The following UBE4B variants were observed in gnomAD, a reference collection of about 807,000 sequenced individuals.
The protein encoded by UBE4B is ubiquitin conjugation factor E4 B.
UBE4B carries 27 observed loss-of-function variants against 148.1 expected under a neutral mutation model. The ratio of observed to expected loss-of-function variants is 0.18; its 90% CI spans 0.13 to 0.25. UBE4B has a LOEUF of 0.25. UBE4B is among the 10% of genes least tolerant of loss of function. The pLI, the probability that UBE4B is intolerant of heterozygous loss-of-function variation, is 1.00. For missense variants in UBE4B, 1,170 were observed against 1,662.4 expected (o/e 0.70, Z 5.15); for synonymous variants, 596 against 619.3 (o/e 0.96, Z 0.56).
intron 1 of UBE4B, among the ~76,000 whole-genome samples, chr1:10,060,506 G>C (rs1032562503): frequency 6.6e-6 from 1 of 152,146 alleles, no homozygotes; most frequent in Non-Finnish European, 1.5e-5. Context: ...GCCCATGACT[G>C]TATTTCCTCT....
intron 1 of UBE4B, among the ~76,000 whole-genome samples, chr1:10,042,080 G>C (rs1010866211): frequency 7.9e-5 from 12 of 152,138 alleles, no homozygotes; most frequent in Non-Finnish European, 1.6e-4. Flanking sequence ...GATTACAGGC[G>C]CCCGCCGCCA....
At chr1:10,055,694 C>T (rs763227945) in intron 1 of UBE4B, among the ~76,000 whole-genome samples, 5 of 152,066 alleles carry the variant, frequency 3.3e-5, no homozygotes, top group Non-Finnish European at 7.4e-5. Flanking sequence ...CCAAGGTGGG[C>T]AGATCACTTG....
intron 8 of UBE4B, 35 bp downstream of exon 8, chr1:10,117,635 G>T (rs1425427751): frequency 6.8e-6 from 10 of 1,468,936 alleles, no homozygotes; most frequent in Non-Finnish European, 9.2e-6. Flanking sequence ...AAAAAAAAAA[G>T]CCTAGTTATT....
chr1:10,127,910 C>T (rs1355301240), intron 11 of UBE4B, among the ~76,000 whole-genome samples: 2 of 152,214 alleles, frequency 1.3e-5, no homozygotes, highest in African/African-American at 2.4e-5. Flanking sequence ...AAATTCAAAC[C>T]TGTCATGGCA....
chr1:10,091,659 G>A (rs1644850264), intron 2 of UBE4B, among the ~76,000 whole-genome samples: 1 of 152,048 alleles, frequency 6.6e-6, no homozygotes, highest in Non-Finnish European at 1.5e-5. Flanking sequence ...AGGCCGCAGT[G>A]CAGTGGTGCG....
rs1646114656 is a variant in UBE4B, at chr1:10,158,830, G to A, written c.3053+348G>A. Among the ~76,000 whole-genome samples, 4 of 152,012 alleles carry A rather than the reference G, an allele frequency of 2.6e-5. 1 individual carries two copies. The South Asian group carries it at 8.3e-4, about 31-fold the overall frequency. On this transcript the variant is annotated intron_variant, in intron 22 of 27. Coordinates refer to ENST00000343090, the MANE Select transcript of UBE4B (RefSeq NM_001105562.3). Reference sequence around the variant, plus strand: ...TCAAAACCAGCCTGGCCAACATGGTGAAACCCCATCTCTATTAAAAATACA... The same window carrying A: ...TCAAAACCAGCCTGGCCAACATGGTAAAACCCCATCTCTATTAAAAATACA...
chr1:10,091,602 G>A (rs889796832), intron 2 of UBE4B, among the ~76,000 whole-genome samples: 1 of 151,842 alleles, frequency 6.6e-6, no homozygotes, highest in Admixed American at 6.6e-5. Context: ...ATGCCACCAT[G>A]CCTAATTTTT....
At chr1:10,149,852 T>C (rs922632302) in intron 20 of UBE4B, among the ~76,000 whole-genome samples, 1 of 152,196 alleles carries the variant, frequency 6.6e-6, no homozygotes, top group African/African-American at 2.4e-5. Flanking sequence ...ATGTGAAGTC[T>C]ATTGTGAAAA....
In UBE4B at chr1:10,144,961, T is replaced by G; in HGVS notation, c.2385T>G (p.Asn795Lys). The G allele has an allele frequency of 6.2e-7, 1 of 1,613,320 alleles. No individual in the cohort carries two copies. The highest frequency in any genetic ancestry group is 1.1e-5 in the South Asian group (1 of 91,014). The stretch of plus-strand genomic sequence containing the variant: ...TCAGAACTGTAGAAGATTTGAAAAA[T>G]AATGAAAGCCAATGGAAAGATTCCC... The part of the protein sequence containing the change: ...ELNRTVEDLK[N>K]NESQWKDSPL... Residue 795 changes from asparagine (N) to lysine (K), a missense_variant, in exon 18 of 28, where the codon AAT becomes AAG. Around this residue, in one of 6 missense-constraint regions of UBE4B, gnomAD observed 388 missense variants for 536.0 expected, o/e 0.72. Transcript: ENST00000343090.
chr1:10,135,419 C>T (rs1388329829), intron 16 of UBE4B, among the ~76,000 whole-genome samples: 3 of 151,980 alleles, frequency 2.0e-5, no homozygotes, highest in African/African-American at 4.8e-5. Flanking sequence ...GCCTGACCAC[C>T]GTGGTGAAAC....
At chr1:10,175,427 G>A (rs911522450) in intron 25 of UBE4B, among the ~76,000 whole-genome samples, 41 of 151,952 alleles carry the variant, frequency 2.7e-4, no homozygotes, top group South Asian at 1.0e-3. Context: ...CAAGGCGGGC[G>A]GATCACAAGG....
intron 1 of UBE4B, among the ~76,000 whole-genome samples, chr1:10,055,084 C>A (rs1298125022): frequency 1.3e-5 from 2 of 152,086 alleles, no homozygotes; most frequent in South Asian, 4.1e-4. Flanking sequence ...CCGCACCCGG[C>A]GTGTTTTTAC....
chr1:10,043,566 ACAGGCGCC>A (rs1446073173), intron 1 of UBE4B, among the ~76,000 whole-genome samples: 1 of 151,562 alleles, frequency 6.6e-6, no homozygotes, highest in Non-Finnish European at 1.5e-5. Flanking sequence ...AGCTGGGACT[ACAGGCGCC>A]CACCACCAAG....
At chr1:10,039,201 C>T (rs1643665862) in intron 1 of UBE4B, among the ~76,000 whole-genome samples, 1 of 152,092 alleles carries the variant, frequency 6.6e-6, no homozygotes, top group African/African-American at 2.4e-5. Flanking sequence ...GCACAACTCA[C>T]TTAAGAAACA....
At chr1:10,165,110 C>A (rs1249540202) in intron 23 of UBE4B, among the ~76,000 whole-genome samples, 2 of 152,144 alleles carry the variant, frequency 1.3e-5, no homozygotes, top group Non-Finnish European at 2.9e-5. Flanking sequence ...CTCCCTGGCT[C>A]AGATCTGACT....
At chr1:10,062,139 A>G (rs1229789188) in intron 1 of UBE4B, among the ~76,000 whole-genome samples, 1 of 151,056 alleles carries the variant, frequency 6.6e-6, no homozygotes, top group African/African-American at 2.4e-5. Context: ...CGATTTCTTG[A>G]CCTCGTGATC....
intron 1 of UBE4B, among the ~76,000 whole-genome samples, chr1:10,066,034 TC>T (rs1335325370): frequency 2.2e-3 from 113 of 50,354 alleles, no homozygotes; most frequent in African/African-American, 5.3e-3. Flanking sequence ...CCTCCCTCCC[TC>T]CCCCCCTCCT....
At chr1:10,042,009 A>G (rs1361941565) in intron 1 of UBE4B, among the ~76,000 whole-genome samples, 10 of 152,164 alleles carry the variant, frequency 6.6e-5, no homozygotes, top group African/African-American at 2.4e-4. Flanking sequence ...ATCTTGGCTC[A>G]CTACAACCTC....
At chr1:10,077,158 A>G (rs1009453529) in intron 2 of UBE4B, among the ~76,000 whole-genome samples, 11 of 152,186 alleles carry the variant, frequency 7.2e-5, no homozygotes, top group African/African-American at 2.2e-4. Context: ...TCACAGTTCT[A>G]GAGGCTAGAA....
Sources: gnomAD v4.1 joint callset for allele counts (sites outside exome capture counted in the v4.1 genomes callset) on GRCh38, gnomAD v4.1.1 for gene constraint, gnomAD v4.1.1 regional missense constraint, MANE v1.5 for transcripts, NCBI Gene and HGNC (gene_info 2026-07-23, HGNC 2026-07-21) for gene names.